The following C8A variants were observed in gnomAD, a reference collection of about 807,000 sequenced individuals.
C8A encodes the protein complement component C8 alpha chain.
A neutral mutation model predicts 65.3 loss-of-function variants in C8A; 67 were observed. That is an observed-to-expected ratio of 1.03 (90% CI 0.84 to 1.26). The LOEUF is 1.26. C8A is among the 50% of genes most tolerant of loss of function. C8A has a pLI of 0.00. For missense variants in C8A, 781 were observed against 723.9 expected (o/e 1.08, Z -0.90); for synonymous variants, 290 against 259.4 (o/e 1.12, Z -1.13).
At chr1:56,858,052 A>G (rs1643994966) in intron 1 of C8A, among the ~76,000 whole-genome samples, 1 of 152,146 alleles carries the variant, frequency 6.6e-6, no homozygotes, top group Admixed American at 6.5e-5. Flanking sequence ...ATTTCAGTTA[A>G]TATAATTTTC....
intron 1 of C8A, among the ~76,000 whole-genome samples, chr1:56,856,294 A>T (rs1176310151): frequency 6.6e-6 from 1 of 152,138 alleles, no homozygotes; most frequent in Non-Finnish European, 1.5e-5. Context: ...CAAGTTATTT[A>T]ATTTTTCCAA....
chr1:56,895,261 C>T (rs1644379764), intron 7 of C8A, among the ~76,000 whole-genome samples: 1 of 152,138 alleles, frequency 6.6e-6, no homozygotes, highest in Admixed American at 6.6e-5. Context: ...CCAAGATTTA[C>T]TGAGTATTCA....
Position 56,881,436 on chromosome 1 carries a change from T to C in C8A, c.465-9T>C, listed in dbSNP as rs973315405. 2 of 1,613,348 alleles carry C rather than the reference T, an allele frequency of 1.2e-6. No individual in the cohort carries two copies. The highest frequency in any genetic ancestry group is 1.7e-5 in the Admixed American group (1 of 59,950). On this transcript the variant is annotated splice_polypyrimidine_tract_variant and intron_variant, in intron 4 of 10. Transcript: ENST00000361249. ...ACTAGCTATTTAGAAGCTGCTTTGTTCCATGTAGGTACAATATCCTGACCC... is the reference window on the plus strand; with the variant it reads ...ACTAGCTATTTAGAAGCTGCTTTGTCCCATGTAGGTACAATATCCTGACCC...
At chr1:56,907,845 C>A in intron 8 of C8A, 111 bp from the exon 9 acceptor site, 1 of 1,277,466 alleles carries the variant, frequency 7.8e-7, no homozygotes, top group Non-Finnish European at 1.1e-6. Context: ...GAATGGTAAA[C>A]ATCTAAGGAA....
intron 5 of C8A, 129 bp from the exon 6 acceptor site, chr1:56,883,352 C>A (rs2101237248): frequency 1.3e-6 from 1 of 771,928 alleles, no homozygotes; most frequent in African/African-American, 1.8e-5. Context: ...ACTGGATTGC[C>A]TTATAAAAGA....
Position 56,878,178 on chromosome 1 carries a change from C to T in C8A, c.464+1969C>T, listed in dbSNP as rs76610660. On this transcript the variant is annotated intron_variant, in intron 4 of 10. Coordinates refer to ENST00000361249, the MANE Select transcript of C8A (RefSeq NM_000562.3). ...TCCTAATTTCCCCTTCCTGTAAGAA[C>T]ACCACTCACATTGGATAACAGCCCA... 3.0e-3 allele frequency among the ~76,000 whole-genome samples: 457 copies of T among 152,164 alleles called. 4 individuals carry two copies. Among genetic ancestry groups the T allele is most frequent in the African/African-American group, 0.011 (440 of 41,524 alleles).
At chr1:56,911,173 A>G (rs1381976891) in intron 9 of C8A, among the ~76,000 whole-genome samples, 3 of 150,890 alleles carry the variant, frequency 2.0e-5, no homozygotes, top group Non-Finnish European at 4.4e-5. Flanking sequence ...ACTTCTTTAG[A>G]TCCTCATAAG....
intron 7 of C8A, among the ~76,000 whole-genome samples, chr1:56,903,054 G>C (rs1297343210): frequency 6.6e-5 from 10 of 152,112 alleles, no homozygotes. Flanking sequence ...CCGCTAAGCT[G>C]TCTATTTCTC....
At chr1:56,881,288 A>G (rs567803598) in intron 4 of C8A, among the ~76,000 whole-genome samples, 157 bp from the exon 5 acceptor site, 1 of 152,240 alleles carries the variant, frequency 6.6e-6, no homozygotes, top group East Asian at 1.9e-4. Flanking sequence ...TTTAATTTCC[A>G]ACTTTTATTT....
chr1:56,912,696 T>G, intron 10 of C8A, 71 bp downstream of exon 10: 1 of 1,439,612 alleles, frequency 6.9e-7, no homozygotes, highest in Non-Finnish European at 9.7e-7. Context: ...AAAGGACTTT[T>G]GGGGTTCCCG....
At chr1:56,912,829 G>A (rs1241596216) in intron 10 of C8A, among the ~76,000 whole-genome samples, 1 of 152,190 alleles carries the variant, frequency 6.6e-6, no homozygotes, top group Non-Finnish European at 1.5e-5. Context: ...TTTCTCAGAT[G>A]AGAACTGTTT....
intron 7 of C8A, among the ~76,000 whole-genome samples, chr1:56,898,442 T>A (rs1040844388): frequency 6.6e-6 from 1 of 152,166 alleles, no homozygotes; most frequent in African/African-American, 2.4e-5. Context: ...AACGTACTGG[T>A]CCCTGGACTT....
At chr1:56,911,022 A>G (rs1414082177) in intron 9 of C8A, among the ~76,000 whole-genome samples, 6 of 151,352 alleles carry the variant, frequency 4.0e-5, no homozygotes. Context: ...CATTATAAGC[A>G]TGCTGAAGAT....
chr1:56,907,312 G>A (rs1315789374), intron 8 of C8A, among the ~76,000 whole-genome samples: 4 of 152,158 alleles, frequency 2.6e-5, no homozygotes, highest in African/African-American at 7.2e-5. Context: ...AGACACAGAG[G>A]ATACAGGGAT....
At chr1:56,916,429 C>G (rs536480674) in intron 10 of C8A, among the ~76,000 whole-genome samples, 1 of 152,230 alleles carries the variant, frequency 6.6e-6, no homozygotes, top group South Asian at 2.1e-4. Context: ...TGGGAATTTT[C>G]CCAGTAAACC....
intron 1 of C8A, among the ~76,000 whole-genome samples, chr1:56,861,865 G>A (rs1644036872): frequency 6.6e-6 from 1 of 152,162 alleles, no homozygotes; most frequent in African/African-American, 2.4e-5. Context: ...AATCATCAGA[G>A]TTAGACTTTC....
intron 2 of C8A, among the ~76,000 whole-genome samples, chr1:56,871,673 C>G (rs1371336616): frequency 1.3e-5 from 2 of 152,130 alleles, no homozygotes; most frequent in African/African-American, 4.8e-5. Context: ...ACTTCATAAA[C>G]TTGTGAAGAT....
Position 56,912,586 on chromosome 1 carries a change from G to T in C8A, c.1564G>T (p.Gly522Cys). ...CAGCTGCAGGTGCCAGTGCCGCCTG[G>T]GTAGCTTGGGTGCTGCCTGTGAGCA... ...GTSCRCQCRL[G>C]SLGAACEQTQ... Residue 522 changes from glycine to cysteine, a missense_variant, in exon 10 of 11, where the codon GGT becomes TGT. Physicochemically the swap from Gly to Cys is radical, Grantham distance 159. Coordinates refer to ENST00000361249, the MANE Select transcript of C8A (RefSeq NM_000562.3). 1.2e-6 allele frequency: 2 copies of T among 1,614,194 alleles called. No individual in the cohort carries two copies. Among genetic ancestry groups the T allele is most frequent in the Non-Finnish European group, 1.7e-6 (2 of 1,180,036 alleles).
At chr1:56,891,784 G>C (rs147016858) in intron 7 of C8A, among the ~76,000 whole-genome samples, 11 of 152,234 alleles carry the variant, frequency 7.2e-5, no homozygotes, top group African/African-American at 2.6e-4. Context: ...GAAGGTGCCA[G>C]CTTCATGGTA....
Sources: allele counts gnomAD v4.1 joint callset (sites outside exome capture counted in the v4.1 genomes callset), GRCh38; gene constraint gnomAD v4.1.1; transcripts MANE v1.5; gene names NCBI Gene and HGNC (gene_info 2026-07-23, HGNC 2026-07-21).